STAU2: variants seen among roughly 807,000 people sequenced by gnomAD.
STAU2 encodes the protein double-stranded RNA-binding protein Staufen homolog 2.
Under a neutral mutation model 65.9 loss-of-function variants are expected in STAU2, and 20 were observed. The ratio of observed to expected loss-of-function variants is 0.30; its 90% CI spans 0.21 to 0.44. The LOEUF (loss-of-function observed/expected upper bound fraction) is 0.44. Among genes scored for constraint, STAU2 ranks in the 20% least tolerant of loss-of-function variants. The pLI, the probability that STAU2 is intolerant of heterozygous loss-of-function variation, is 1.00. For synonymous variants in STAU2, 232 were observed against 233.9 expected (o/e 0.99, Z 0.07); for missense variants, 558 against 683.9 (o/e 0.82, Z 2.05).
rs557353503 is a variant in STAU2, at chr8:73,691,411, T to A, written c.115-2598A>T. On this transcript the variant is annotated intron_variant, in intron 4 of 14. Coordinates refer to ENST00000524300, the MANE Select transcript of STAU2 (RefSeq NM_001164380.2). ...AAGGTTTCTATAAACTCAGACTCAG[T>A]ATACTTCATTTAGCTCCTATCTCTA... Among the ~76,000 whole-genome samples the A allele has an allele frequency of 1.1e-4, 16 of 152,286 alleles. No individual in the cohort carries two copies. In the East Asian group the frequency reaches 2.9e-3, roughly 28 times the overall value.
At chr8:73,513,203 A>AT (rs1822511984) in intron 13 of STAU2, among the ~76,000 whole-genome samples, 1 of 151,984 alleles carries the variant, frequency 6.6e-6, no homozygotes, top group African/African-American at 2.4e-5. Flanking sequence ...TTTGTTTATT[A>AT]AGTTGCCTAA....
chr8:73,496,081 A>G (rs1463488509), intron 13 of STAU2, among the ~76,000 whole-genome samples: 1 of 151,596 alleles, frequency 6.6e-6, no homozygotes, highest in East Asian at 1.9e-4. Flanking sequence ...GGGTTAATAG[A>G]GACCCACTTA....
rs1024103673 is a variant in STAU2, at chr8:73,529,017, T to C, written c.1530+22995A>G. On this transcript the variant is annotated intron_variant, in intron 13 of 14. Coordinates refer to ENST00000524300, the MANE Select transcript of STAU2 (RefSeq NM_001164380.2). Reference sequence around the variant, plus strand: ...TTTTCCCTGGAGGTAGGGAAACTTCTTCCTGGGAATCTATAAAAGTAGTTT... The same window carrying C: ...TTTTCCCTGGAGGTAGGGAAACTTCCTCCTGGGAATCTATAAAAGTAGTTT... Among the ~76,000 whole-genome samples the C allele has an allele frequency of 1.8e-4, 27 of 152,268 alleles. 1 individual carries two copies. Among genetic ancestry groups the C allele is most frequent in the Admixed American group, 1.4e-3 (21 of 15,290 alleles).
intron 12 of STAU2, among the ~76,000 whole-genome samples, chr8:73,563,599 G>C (rs1050367083): frequency 6.6e-6 from 1 of 152,146 alleles, no homozygotes; most frequent in Admixed American, 6.5e-5. Context: ...ACAAGGCAAA[G>C]GGTCCATAGG....
intron 6 of STAU2, among the ~76,000 whole-genome samples, chr8:73,624,596 C>A (rs1813501190): frequency 6.6e-6 from 1 of 152,176 alleles, no homozygotes; most frequent in Non-Finnish European, 1.5e-5. Context: ...TAGAGATATT[C>A]ACTAACCTTC....
chr8:73,444,749 GCCCA>G (rs1818375628), intron 13 of STAU2, among the ~76,000 whole-genome samples: 2 of 152,188 alleles, frequency 1.3e-5, no homozygotes, highest in South Asian at 2.1e-4. Flanking sequence ...GGCTCACAAA[GCCCA>G]GCACAGTGAC....
chr8:73,673,153 G>A lies in STAU2; in HGVS notation c.364C>T (p.Pro122Ser), dbSNP rs1817802084. ...AAGTTGTAATTAGCTCTATAATTTG[G>A]GAATGGCTTTGGATCTAATGGCCTG... ...IYRPLDPKPF[P>S]NYRANYNFRG... The change falls in exon 6 of 15, where the codon CCA becomes TCA. Residue 122 changes from proline (P) to serine (S), a missense_variant. Physicochemically the swap from Pro to Ser is moderately conservative, Grantham distance 74. This residue lies in a region of STAU2 where 199 missense variants were observed against 299.5 expected (regional missense o/e 0.66). Transcript: ENST00000524300. 10 of 1,600,204 alleles carry A rather than the reference G, an allele frequency of 6.2e-6. No individual in the cohort carries two copies. Among genetic ancestry groups the A allele is most frequent in the Non-Finnish European group, 8.5e-6 (10 of 1,172,170 alleles).
intron 5 of STAU2, among the ~76,000 whole-genome samples, chr8:73,677,191 C>A (rs1203893323): frequency 1.3e-5 from 2 of 152,164 alleles, no homozygotes; most frequent in African/African-American, 4.8e-5. Context: ...TATTATACCT[C>A]TCAGCATAAT....
chr8:73,740,086 T>C (rs1018735212), intron 1 of STAU2, among the ~76,000 whole-genome samples: 1 of 152,186 alleles, frequency 6.6e-6, no homozygotes, highest in Non-Finnish European at 1.5e-5. Flanking sequence ...CCCAGGAAAC[T>C]GAACCCTGCA....
chr8:73,513,535 A>G (rs1356160435), intron 13 of STAU2, among the ~76,000 whole-genome samples: 1 of 152,126 alleles, frequency 6.6e-6, no homozygotes, highest in Non-Finnish European at 1.5e-5. Flanking sequence ...CAGATTTCAC[A>G]GTCATCCAGG....
chr8:73,556,700 T>C (rs1170143335), intron 12 of STAU2, among the ~76,000 whole-genome samples: 1 of 151,996 alleles, frequency 6.6e-6, no homozygotes, highest in African/African-American at 2.4e-5. Flanking sequence ...GAGGTTCCAG[T>C]GAGCCAAGAT....
intron 12 of STAU2, among the ~76,000 whole-genome samples, chr8:73,570,602 C>T (rs1808999144): frequency 6.6e-6 from 1 of 152,148 alleles, no homozygotes; most frequent in Admixed American, 6.5e-5. Flanking sequence ...ACAGAGAACG[C>T]CACAAAGATG....
At chr8:73,643,229 C>G (rs16938711) in intron 6 of STAU2, among the ~76,000 whole-genome samples, 5,413 of 152,244 alleles carry the variant, frequency 0.036, 277 homozygotes, top group African/African-American at 0.12. Flanking sequence ...CATGAAATTC[C>G]AATTAAACAT....
intron 4 of STAU2, among the ~76,000 whole-genome samples, chr8:73,690,787 G>C (rs749800035): frequency 3.0e-4 from 45 of 152,078 alleles, no homozygotes; most frequent in Non-Finnish European, 1.8e-4. Context: ...ATTGGGATTT[G>C]TCATTTGAAA....
intron 14 of STAU2, 40 bp downstream of exon 14, chr8:73,422,574 C>T (rs763641427): frequency 3.5e-6 from 5 of 1,423,274 alleles, no homozygotes; most frequent in Middle Eastern, 3.6e-4. Flanking sequence ...TGTACAGTTA[C>T]AATTAAAAGT....
intron 6 of STAU2, among the ~76,000 whole-genome samples, chr8:73,639,969 C>A (rs576212083): frequency 1.5e-4 from 23 of 152,036 alleles, no homozygotes; most frequent in Non-Finnish European, 2.4e-4. Flanking sequence ...GTGTTAGGAA[C>A]AAACTAAATT....
chr8:73,547,921 C>CTT, intron 13 of STAU2, among the ~76,000 whole-genome samples: 1 of 151,586 alleles, frequency 6.6e-6, no homozygotes, highest in South Asian at 2.1e-4. Context: ...AAAAAAACCA[C>CTT]AAAAAAGCAA....
intron 6 of STAU2, chr8:73,669,061 C>T: frequency 1.4e-6 from 1 of 701,982 alleles, no homozygotes; most frequent in South Asian, 1.5e-5. Context: ...AAAGACATCT[C>T]CTTGGATCTT....
intron 3 of STAU2, among the ~76,000 whole-genome samples, chr8:73,717,353 T>C (rs2130688381): frequency 6.6e-6 from 1 of 152,242 alleles, no homozygotes; most frequent in African/African-American, 2.4e-5. Flanking sequence ...AACTGAGGTC[T>C]AAAAATTTTT....
Sources: gnomAD v4.1 joint callset for allele counts (sites outside exome capture counted in the v4.1 genomes callset) on GRCh38, gnomAD v4.1.1 for gene constraint, gnomAD v4.1.1 regional missense constraint, MANE v1.5 for transcripts, NCBI Gene and HGNC (gene_info 2026-07-23, HGNC 2026-07-21) for gene names.